Variants in JPH1 observed in about 807,000 individuals in gnomAD.
JPH1 encodes junctophilin-1.
JPH1 carries 12 observed loss-of-function variants against 53.6 expected under a neutral mutation model. That is an observed-to-expected ratio of 0.22 (90% CI 0.14 to 0.36). JPH1 has a LOEUF of 0.36. JPH1 is among the 10% of genes least tolerant of loss of function. The probability of loss-of-function intolerance (pLI) is 1.00; values close to 1 mark genes in which losing one functional copy is unlikely to be tolerated. For synonymous variants in JPH1, 375 were observed against 363.8 expected (o/e 1.03, Z -0.35); for missense variants, 808 against 905.5 (o/e 0.89, Z 1.38).
At chr8:74,269,174 C>T (rs1034735666) in intron 2 of JPH1, among the ~76,000 whole-genome samples, 4 of 152,272 alleles carry the variant, frequency 2.6e-5, no homozygotes, top group East Asian at 1.9e-4. Flanking sequence ...GCCCAACTAG[C>T]GAAGAACAAA....
intron 1 of JPH1, among the ~76,000 whole-genome samples, chr8:74,317,727 A>G (rs1475266576): frequency 6.6e-6 from 1 of 152,234 alleles, no homozygotes. Context: ...ATGCTGTTTG[A>G]TATCAATAAG....
chr8:74,296,608 C>T (rs1208685368), intron 2 of JPH1, among the ~76,000 whole-genome samples: 1 of 152,114 alleles, frequency 6.6e-6, no homozygotes, highest in Non-Finnish European at 1.5e-5. Context: ...TGAGAAAATC[C>T]AGTTATGCAA....
intron 2 of JPH1, among the ~76,000 whole-genome samples, chr8:74,262,260 T>C (rs1461608446): frequency 6.6e-6 from 1 of 152,224 alleles, no homozygotes; most frequent in Admixed American, 6.5e-5. Flanking sequence ...CTAAGGCCAC[T>C]GGCATGTCTA....
At chr8:74,303,590 T>G (rs909337595) in intron 2 of JPH1, among the ~76,000 whole-genome samples, 5 of 152,066 alleles carry the variant, frequency 3.3e-5, no homozygotes, top group African/African-American at 9.7e-5. Flanking sequence ...GATAACTATT[T>G]TTTTATTTTT....
At chr8:74,276,588 G>GC (rs1806855810) in intron 2 of JPH1, among the ~76,000 whole-genome samples, 1 of 152,190 alleles carries the variant, frequency 6.6e-6, no homozygotes, top group Non-Finnish European at 1.5e-5. Flanking sequence ...CTTATTATAT[G>GC]CCAGGTTTAA....
chr8:74,282,304 C>T (rs1807036624), intron 2 of JPH1, among the ~76,000 whole-genome samples: 1 of 152,132 alleles, frequency 6.6e-6, no homozygotes, highest in African/African-American at 2.4e-5. Flanking sequence ...CAAGTTTTCC[C>T]TATCAAAGAC....
At chr8:74,237,446 T>C in intron 4 of JPH1, 143 bp from the exon 5 acceptor site, 1 of 648,658 alleles carries the variant, frequency 1.5e-6, no homozygotes, top group Non-Finnish European at 2.7e-6. Context: ...CGGAAAGGTG[T>C]AGACTAAAAA....
In JPH1 at chr8:74,320,885, C is replaced by T. The variant is rs761996786; in HGVS notation, c.379+24G>A. 8 of 1,492,794 alleles carry T rather than the reference C, an allele frequency of 5.4e-6. No individual in the cohort carries two copies. The highest frequency in any genetic ancestry group is 1.8e-4 in the Middle Eastern group (1 of 5,520). The allele number at this position is 1,492,794 out of a possible 1,614,324, so 92.5% of individuals were successfully genotyped here. On this transcript the variant is annotated intron_variant, in intron 1 of 5. Coordinates refer to ENST00000342232, the MANE Select transcript of JPH1 (RefSeq NM_020647.4). The surrounding 1 kb of genome is among the most constrained non-coding windows in gnomAD (Gnocchi z 4.4). ...CCACCGCACCAGCTCGCGGAGCAGC[C>T]GAGCCGCCCGTTACGCCGCTCACCT...
intron 3 of JPH1, among the ~76,000 whole-genome samples, chr8:74,249,077 A>G (rs1307847071): frequency 3.9e-5 from 6 of 152,320 alleles, no homozygotes; most frequent in African/African-American, 1.4e-4. Context: ...TCAGCATGCC[A>G]TCCACCAACA....
chr8:74,304,428 G>T (rs1418416538), intron 2 of JPH1, among the ~76,000 whole-genome samples: 2 of 152,194 alleles, frequency 1.3e-5, no homozygotes, highest in African/African-American at 4.8e-5. Flanking sequence ...AGCGGGATGG[G>T]GAACAAGTGT....
chr8:74,303,861 C>A (rs1807754083), intron 2 of JPH1, among the ~76,000 whole-genome samples: 1 of 152,178 alleles, frequency 6.6e-6, no homozygotes, highest in Admixed American at 6.5e-5. Context: ...TGCCTAACAC[C>A]TATCAATAGC....
In JPH1 at chr8:74,321,530, G is replaced by C; in HGVS notation, c.-243C>G. The stretch of plus-strand genomic sequence containing the variant: ...CGCCGCCGCCGCCTGGGCCAGCGCC[G>C]CGCGCGAGAGGACAGCCCAGGTTCC... On this transcript the variant is annotated 5_prime_UTR_variant, in exon 1 of 6. Transcript: ENST00000342232. The surrounding 1 kb of genome is among the most constrained non-coding windows in gnomAD (Gnocchi z 4.3). The C allele has an allele frequency of 2.3e-6, 1 of 428,194 alleles. No homozygotes were observed. The allele number at this position is 428,194 out of a possible 1,614,324, so 26.5% of individuals were successfully genotyped here. A position where few individuals can be genotyped will look rare whatever the true frequency, so the allele number is the denominator to read the frequency against.
At chr8:74,317,500 TG>T (rs746114765) in intron 1 of JPH1, among the ~76,000 whole-genome samples, 19 of 152,188 alleles carry the variant, frequency 1.2e-4, no homozygotes, top group Non-Finnish European at 2.5e-4. Flanking sequence ...TTAACAGGAA[TG>T]GGAATGGAAT....
rs1807005301 is a variant in JPH1 at position 74,236,609 on chromosome 8, A to G, written c.*442T>C. 6.6e-6 allele frequency: 1 copy of G among 151,784 alleles called. No homozygotes were observed. The allele number at this position is 151,784 out of a possible 1,614,324, so 9.4% of individuals were successfully genotyped here. A position where few individuals can be genotyped will look rare whatever the true frequency, so the allele number is the denominator to read the frequency against. ...CGGGCAGTCGTTTCCCCAGCTCCCTACTAAAAACGTCAGATGGTAAAATAG... is the reference window on the plus strand; with the variant it reads ...CGGGCAGTCGTTTCCCCAGCTCCCTGCTAAAAACGTCAGATGGTAAAATAG... On this transcript the variant is annotated 3_prime_UTR_variant, in exon 6 of 6. Transcript: ENST00000342232.
chr8:74,278,657 A>G (rs531887254), intron 2 of JPH1, among the ~76,000 whole-genome samples: 1 of 152,294 alleles, frequency 6.6e-6, no homozygotes, highest in African/African-American at 2.4e-5. Flanking sequence ...GACCCGGACT[A>G]ATGCACTTAT....
chr8:74,237,377 G>T, intron 4 of JPH1, 74 bp from the exon 5 acceptor site: 1 of 1,146,932 alleles, frequency 8.7e-7, no homozygotes, highest in Non-Finnish European at 1.3e-6. Flanking sequence ...GCCAATTACT[G>T]AAAAAATGAG....
At chr8:74,301,649 G>C (rs1223650728) in intron 2 of JPH1, among the ~76,000 whole-genome samples, 1 of 152,102 alleles carries the variant, frequency 6.6e-6, no homozygotes, top group Non-Finnish European at 1.5e-5. Flanking sequence ...GCCACTGTTT[G>C]CTCCCTAACT....
At chr8:74,252,539 T>C (rs190295276) in intron 3 of JPH1, among the ~76,000 whole-genome samples, 5 of 152,172 alleles carry the variant, frequency 3.3e-5, no homozygotes, top group African/African-American at 1.2e-4. Flanking sequence ...AATTCACACA[T>C]AACAATACTA....
At chr8:74,241,204 T>A (rs1365732424) in intron 4 of JPH1, among the ~76,000 whole-genome samples, 2 of 152,166 alleles carry the variant, frequency 1.3e-5, no homozygotes, top group African/African-American at 2.4e-5. Context: ...AAACTAGACA[T>A]GAAAGCTTCA....
Sources: allele counts gnomAD v4.1 joint callset (sites outside exome capture counted in the v4.1 genomes callset), GRCh38; gene constraint gnomAD v4.1.1; non-coding constraint Gnocchi (gnomAD v3.1); transcripts MANE v1.5; gene names NCBI Gene and HGNC (gene_info 2026-07-23, HGNC 2026-07-21).